Variants in HIPK3 observed in about 807,000 individuals in gnomAD.
HIPK3 encodes homeodomain-interacting protein kinase 3.
HIPK3 carries 47 observed loss-of-function variants against 124.2 expected under a neutral mutation model. The ratio of observed to expected loss-of-function variants is 0.38; its 90% CI spans 0.30 to 0.48. The LOEUF (loss-of-function observed/expected upper bound fraction) is 0.48. Ranked by LOEUF, HIPK3 falls within the 20% of genes least tolerant of loss-of-function variation. The pLI, the probability that HIPK3 is intolerant of heterozygous loss-of-function variation, is 0.98. For synonymous variants in HIPK3, 482 were observed against 515.2 expected (o/e 0.94, Z 0.87); for missense variants, 1,286 against 1,454.3 (o/e 0.88, Z 1.88).
chr11:33,328,402 A>G (rs980768508), intron 2 of HIPK3, 108 bp from the exon 3 acceptor site: 11 of 1,059,130 alleles, frequency 1.0e-5, no homozygotes, highest in Admixed American at 3.9e-5. Context: ...GTTCCTATAC[A>G]TAGAATGTGA....
intron 1 of HIPK3, among the ~76,000 whole-genome samples, chr11:33,285,878 T>C (rs922378371): frequency 6.6e-6 from 1 of 151,966 alleles, no homozygotes; most frequent in Non-Finnish European, 1.5e-5. Context: ...TTCAAGCGAT[T>C]CTCCTCCCTC....
chr11:33,267,596 C>T (rs112355796), intron 1 of HIPK3, among the ~76,000 whole-genome samples: 5 of 151,958 alleles, frequency 3.3e-5, no homozygotes, highest in Admixed American at 2.0e-4. Context: ...CCCAGGTTCA[C>T]GCCCTTCTCC....
At chr11:33,311,918 C>CACACACACACACACACACACACT (rs1852356723) in intron 2 of HIPK3, among the ~76,000 whole-genome samples, 1 of 145,460 alleles carries the variant, frequency 6.9e-6, no homozygotes, top group East Asian at 2.0e-4. Context: ...TCTACACACA[C>CACACACACACACACACACACACT]ACACACACAC....
chr11:33,301,618 A>T (rs1852000135), intron 2 of HIPK3, among the ~76,000 whole-genome samples: 1 of 148,362 alleles, frequency 6.7e-6, no homozygotes, highest in South Asian at 2.2e-4. Flanking sequence ...CCCCATCTCT[A>T]TAAAAAAAAA....
chr11:33,353,057 T>A, intron 16 of HIPK3, 35 bp from the exon 17 acceptor site: 1 of 1,218,810 alleles, frequency 8.2e-7, no homozygotes, highest in Non-Finnish European at 1.2e-6. Flanking sequence ...TTAAGGTATG[T>A]TATTCAGTCA....
In HIPK3 at chr11:33,356,265, T is replaced by A. The variant is rs796496945; in HGVS notation, c.*2697T>A. ...GGTATATCCCAGTTAACTACACTGC[T>A]CTTTAATTGCAATCATGGGCATTTT... On this transcript the variant is annotated 3_prime_UTR_variant, in exon 17 of 17. Coordinates refer to ENST00000303296, the MANE Select transcript of HIPK3 (RefSeq NM_005734.5). 1 of 152,068 alleles carries A rather than the reference T, an allele frequency of 6.6e-6. No homozygotes were observed. Among genetic ancestry groups the A allele is most frequent in the Non-Finnish European group, 1.5e-5 (1 of 67,922 alleles). 9.4% of individuals were successfully genotyped at this position (152,068 alleles called of 1,614,324 possible).
chr11:33,266,058 CAAA>C (rs541701602), intron 1 of HIPK3, among the ~76,000 whole-genome samples: 2 of 49,624 alleles, frequency 4.0e-5, no homozygotes, highest in Non-Finnish European at 3.9e-5. Flanking sequence ...GACTCCATCT[CAAA>C]AAAAAAAAAA....
intron 2 of HIPK3, among the ~76,000 whole-genome samples, chr11:33,292,610 T>G (rs1851727459): frequency 6.6e-6 from 1 of 152,194 alleles, no homozygotes; most frequent in Non-Finnish European, 1.5e-5. Context: ...AGCTCAGCAT[T>G]GGGATGAAAT....
intron 2 of HIPK3, among the ~76,000 whole-genome samples, chr11:33,304,737 CAG>C (rs1852106343): frequency 6.6e-6 from 1 of 152,144 alleles, no homozygotes; most frequent in African/African-American, 2.4e-5. Context: ...TTGATTATGT[CAG>C]AGAGAACCTT....
chr11:33,324,501 A>G (rs566773125), intron 2 of HIPK3, among the ~76,000 whole-genome samples: 6 of 152,324 alleles, frequency 3.9e-5, no homozygotes, highest in African/African-American at 1.2e-4. Flanking sequence ...GCTTTTGGGA[A>G]GCTAGTTGTG....
In HIPK3 at chr11:33,349,243, C is replaced by A. The variant is rs139983826; in HGVS notation, c.2763C>A (p.Ser921Arg). 4 of 1,613,486 alleles carry A rather than the reference C, an allele frequency of 2.5e-6. No homozygotes were observed. The African/African-American group carries it at 5.3e-5, about 22-fold the overall frequency. ...LSSPDSTLSTSSSGQSSPSPC... is the reference protein window; with the variant it reads ...LSSPDSTLSTRSSGQSSPSPC... The stretch of plus-strand genomic sequence containing the variant: ...GTCCTGATAGTACTCTGAGTACCAG[C>A]TCCTCAGGGCAGTCCAGCCCATCCC... The change falls in exon 14 of 17, where the codon AGC becomes AGA. Residue 921 changes from serine to arginine, a missense_variant. Transcript: ENST00000303296.
intron 8 of HIPK3, 96 bp from the exon 9 acceptor site, chr11:33,347,197 G>A: frequency 8.6e-7 from 1 of 1,160,814 alleles, no homozygotes; most frequent in Non-Finnish European, 1.2e-6. Context: ...AAAAAAATCT[G>A]TCAGAATCTA....
At chr11:33,301,515 A>C (rs575419545) in intron 2 of HIPK3, among the ~76,000 whole-genome samples, 1 of 151,580 alleles carries the variant, frequency 6.6e-6, no homozygotes, top group Non-Finnish European at 1.5e-5. Flanking sequence ...GGTGAGGTAT[A>C]GTGTCTAATG....
At chr11:33,290,640 C>CTT (rs34712545) in intron 2 of HIPK3, among the ~76,000 whole-genome samples, 49 of 141,834 alleles carry the variant, frequency 3.5e-4, no homozygotes, top group East Asian at 8.1e-4. Flanking sequence ...AAAAAAAAGT[C>CTT]TTTTTTTTTT....
chr11:33,272,848 C>T (rs1432653039), intron 1 of HIPK3, among the ~76,000 whole-genome samples: 1 of 67,786 alleles, frequency 1.5e-5, no homozygotes, highest in East Asian at 4.6e-4. Context: ...CCTCCCGTTC[C>T]CTCCTGTCCC....
At position 33,354,286 on chromosome 11, in the gene HIPK3, G is replaced by C. The variant is rs527899521; in HGVS notation, c.*718G>C. On this transcript the variant is annotated 3_prime_UTR_variant, in exon 17 of 17. Coordinates refer to ENST00000303296, the MANE Select transcript of HIPK3 (RefSeq NM_005734.5). ...GTAGCTGTTTTTTTCCTTATTAAGAGGGCAGCATGTTTGCTATAGCTGAAT... is the reference window on the plus strand; with the variant it reads ...GTAGCTGTTTTTTTCCTTATTAAGACGGCAGCATGTTTGCTATAGCTGAAT... 9 of 152,688 alleles carry C rather than the reference G, an allele frequency of 5.9e-5. No homozygotes were observed. In the East Asian group the frequency reaches 1.5e-3, roughly 26 times the overall value. The allele number at this position is 152,688 out of a possible 1,614,324, so 9.5% of individuals were successfully genotyped here.
intron 1 of HIPK3, among the ~76,000 whole-genome samples, chr11:33,285,757 T>C (rs2133900054): frequency 6.6e-6 from 1 of 152,220 alleles, no homozygotes; most frequent in South Asian, 2.1e-4. Context: ...TTTTGTCAAA[T>C]GTGTACAGTT....
intron 2 of HIPK3, among the ~76,000 whole-genome samples, chr11:33,301,751 A>G (rs1852005462): frequency 6.6e-6 from 1 of 150,680 alleles, no homozygotes; most frequent in Non-Finnish European, 1.5e-5. Flanking sequence ...GAGCCCAGGA[A>G]ATCAAGGCTG....
chr11:33,352,105 G>A (rs1453678392), intron 15 of HIPK3, 33 bp from the exon 16 acceptor site: 4 of 1,593,562 alleles, frequency 2.5e-6, no homozygotes, highest in Non-Finnish European at 3.4e-6. Flanking sequence ...AAAGGAAAAA[G>A]CATAAACTCT....
Sources: gnomAD v4.1 joint callset for allele counts (sites outside exome capture counted in the v4.1 genomes callset) on GRCh38, gnomAD v4.1.1 for gene constraint, MANE v1.5 for transcripts, NCBI Gene and HGNC (gene_info 2026-07-23, HGNC 2026-07-21) for gene names.